Variants in ABCA2 observed in about 807,000 individuals in gnomAD.
The protein encoded by ABCA2 is ATP binding cassette subfamily A member 2, also known as ATP-binding cassette sub-family A member 2.
Under a neutral mutation model 262.8 loss-of-function variants are expected in ABCA2, and 84 were observed. The observed-to-expected ratio is 0.32, with a 90% confidence interval of 0.27 to 0.38. The LOEUF is 0.38. Ranked by LOEUF, ABCA2 falls within the 10% of genes least tolerant of loss-of-function variation. The pLI, the probability that ABCA2 is intolerant of heterozygous loss-of-function variation, is 1.00. For synonymous variants in ABCA2, 1,696 were observed against 1,502.9 expected (o/e 1.13, Z -2.97); for missense variants, 2,662 against 3,405.9 (o/e 0.78, Z 5.44).
chr9:137,007,918 G>A lies in ABCA2; in HGVS notation c.*11C>T, dbSNP rs779844043. 1 of 1,605,584 alleles carries A rather than the reference G, an allele frequency of 6.2e-7. No individual in the cohort carries two copies. Among genetic ancestry groups the A allele is most frequent in the South Asian group, 1.1e-5 (1 of 90,994 alleles). On this transcript the variant is annotated 3_prime_UTR_variant, in exon 49 of 49. Coordinates refer to ENST00000341511, the MANE Select transcript of ABCA2 (RefSeq NM_001606.5). Reference sequence around the variant, plus strand: ...AGTGGAGCGTGTCCTCCCTGGCCCAGCTCTGGGTGGTCAGCAGAGCGTGTC... The same window carrying A: ...AGTGGAGCGTGTCCTCCCTGGCCCAACTCTGGGTGGTCAGCAGAGCGTGTC...
upstream of ABCA2, chr9:137,028,403 A>C: frequency 2.1e-6 from 1 of 483,694 alleles, no homozygotes; most frequent in Non-Finnish European, 2.7e-6. This position sits in a 1 kb window ranked among gnomAD's most constrained non-coding sequence, Gnocchi z 6.9. Context: ...CCCGGGACCG[A>C]CCCGGGCCCG....
chr9:137,019,511 C>T lies in ABCA2; in HGVS notation c.1426-205G>A, dbSNP rs1260317486. 1.9e-5 allele frequency: 11 copies of T among 564,614 alleles called. No homozygotes were observed. The highest frequency in any genetic ancestry group is 3.6e-5 in the Admixed American group (1 of 27,772). 35.0% of individuals were successfully genotyped at this position (564,614 alleles called of 1,614,324 possible). A position where few individuals can be genotyped will look rare whatever the true frequency, so the allele number is the denominator to read the frequency against. ...AGTCCCAGCTCACTGCAGCCTCCAC[C>T]TCCCAGGCTCAAGGGATCCTCCCGC... On this transcript the variant is annotated intron_variant, in intron 10 of 48. Coordinates refer to ENST00000341511, the MANE Select transcript of ABCA2 (RefSeq NM_001606.5). This position sits in a 1 kb window ranked among gnomAD's most constrained non-coding sequence, Gnocchi z 4.4.
Position 137,013,873 on chromosome 9 carries a change from A to G in ABCA2, c.4406T>C (p.Val1469Ala). The change falls in exon 28 of 49, where the codon GTC becomes GCC. Residue 1469 changes from valine to alanine, a missense_variant. Physicochemically the swap from Val to Ala is moderately conservative, Grantham distance 64 (BLOSUM62 0). Around this residue, in one of 12 missense-constraint regions of ABCA2, gnomAD observed 75 missense variants for 118.3 expected, o/e 0.63. Coordinates refer to ENST00000341511, the MANE Select transcript of ABCA2 (RefSeq NM_001606.5). ...CAGGGCCACGGTCATGGCCACGCAG[A>G]CGAAGAAGGCTGGCAGCAAGATCTG... is the stretch of plus-strand genomic sequence containing the variant. Reference protein sequence around the residue: ...FSQILLPAFFVCVAMTVALSV... With the variant: ...FSQILLPAFFACVAMTVALSV... 1 of 1,612,040 alleles carries G rather than the reference A, an allele frequency of 6.2e-7. No individual in the cohort carries two copies. The highest frequency in any genetic ancestry group is 8.5e-7 in the Non-Finnish European group (1 of 1,179,608).
rs1831533010 is a variant in ABCA2, at chr9:137,023,043, G to C, written c.173C>G (p.Thr58Arg). 1 of 1,585,118 alleles carries C rather than the reference G, an allele frequency of 6.3e-7. No homozygotes were observed. Among genetic ancestry groups the C allele is most frequent in the Non-Finnish European group, 8.6e-7 (1 of 1,166,722 alleles). Residue 58 changes from threonine (T) to arginine (R), a missense_variant, in exon 4 of 49, where the codon ACA becomes AGA. Thr to Arg is a moderately conservative substitution (Grantham distance 71). This residue lies in a region of ABCA2 where 101 missense variants were observed against 152.3 expected (regional missense o/e 0.66). Transcript: ENST00000341511. ...GCCGGCAGACGTCAGGGGCGCCGCT[G>C]TGTAGAAGGCTGGCAGACCCACGGG... ...TISVKEVSFYTAAPLTSAGIL... is the reference protein window; with the variant it reads ...TISVKEVSFYRAAPLTSAGIL...
chr9:137,021,713 C>CA lies in ABCA2; in HGVS notation c.679-104_679-103insT. 1 of 1,341,074 alleles carries CA rather than the reference C, an allele frequency of 7.5e-7. No homozygotes were observed. Among genetic ancestry groups the CA allele is most frequent in the South Asian group, 1.3e-5 (1 of 74,158 alleles). 83.1% of individuals were successfully genotyped at this position (1,341,074 alleles called of 1,614,324 possible). On this transcript the variant is annotated intron_variant, in intron 7 of 48. Transcript: ENST00000341511. The surrounding 1 kb of genome is among the most constrained non-coding windows in gnomAD (Gnocchi z 6.0). ...CCCCACCCACTGGCTGGCTCTGGGG[C>CA]TGCCTGGGTCCCACGACATGCCTCT...
In ABCA2 at chr9:137,011,143, T is replaced by TG; in HGVS notation, c.5924-39dup. The TG allele has an allele frequency of 6.2e-7, 1 of 1,611,416 alleles. No homozygotes were observed. On this transcript the variant is annotated intron_variant, in intron 38 of 48. Transcript: ENST00000341511. This position sits in a 1 kb window ranked among gnomAD's most constrained non-coding sequence, Gnocchi z 8.8. Reference sequence around the variant, plus strand: ...AGCTCAGGGCCTGTGCTCTGGGCCTTGCGGGGCCCCCACCGCCTTCCCCGC... The same window carrying TG: ...AGCTCAGGGCCTGTGCTCTGGGCCTTGGCGGGGCCCCCACCGCCTTCCCCGC...
chr9:137,023,030 C>G lies in ABCA2; in HGVS notation c.186G>C (p.Leu62=), dbSNP rs1472409797. The G allele has an allele frequency of 6.3e-7, 1 of 1,590,278 alleles. No individual in the cohort carries two copies. Among genetic ancestry groups the G allele is most frequent in the Non-Finnish European group, 8.6e-7 (1 of 1,169,578 alleles). The change falls in exon 4 of 49, where the codon CTG becomes CTC. Residue 62 remains leucine, a synonymous_variant. Transcript: ENST00000341511. Reference sequence around the variant, plus strand: ...TGACAGGCAGGATGCCGGCAGACGTCAGGGGCGCCGCTGTGTAGAAGGCTG... The same window carrying G: ...TGACAGGCAGGATGCCGGCAGACGTGAGGGGCGCCGCTGTGTAGAAGGCTG... ...KEVSFYTAAP[L]TSAGILPVMQ...
In ABCA2 at chr9:137,014,218, T is replaced by C. The variant is rs1426329025; in HGVS notation, c.4190A>G (p.Tyr1397Cys). 6.2e-7 allele frequency: 1 copy of C among 1,609,408 alleles called. No individual in the cohort carries two copies. The highest frequency in any genetic ancestry group is 8.5e-7 in the Non-Finnish European group (1 of 1,178,528). ...GAGYTDVYGD[Y>C]RPLFDNPQDP... is the part of the protein sequence containing the mutation. ...CTGTGGGTTATCAAAGAGGGGGCGGTAGTCGCCATAGACGTCGGTGTAGCC... is the reference window on the plus strand; with the variant it reads ...CTGTGGGTTATCAAAGAGGGGGCGGCAGTCGCCATAGACGTCGGTGTAGCC... The change falls in exon 27 of 49, where the codon TAC (tyrosine) becomes TGC (cysteine). Residue 1397 changes from tyrosine (Y) to cysteine (C), a missense_variant. Coordinates refer to ENST00000341511, the MANE Select transcript of ABCA2 (RefSeq NM_001606.5).
At chr9:137,013,653 T>C in intron 28 of ABCA2, 90 bp from the exon 29 acceptor site, 2 of 1,408,324 alleles carry the variant, frequency 1.4e-6, no homozygotes, top group Non-Finnish European at 1.9e-6. Context: ...CCCCAAGGGA[T>C]CCACGCCTGG....
upstream of ABCA2, chr9:137,028,697 G>T: frequency 8.1e-7 from 1 of 1,227,426 alleles, no homozygotes. This position sits in a 1 kb window ranked among gnomAD's most constrained non-coding sequence, Gnocchi z 6.9. Context: ...ACCAGCACTT[G>T]GAGTCCAGGT....
intron 39 of ABCA2, 28 bp downstream of exon 39, chr9:137,010,944 GC>G: frequency 7.5e-6 from 2 of 266,334 alleles, no homozygotes; most frequent in Non-Finnish European, 6.8e-6. Context: ...CTCCCGCCCC[GC>G]CCCCGCCCCA....
chr9:137,015,213 C>G lies in ABCA2; in HGVS notation c.3698-116G>C, dbSNP rs1831213241. On this transcript the variant is annotated intron_variant, in intron 24 of 48. Coordinates refer to ENST00000341511, the MANE Select transcript of ABCA2 (RefSeq NM_001606.5). ...TTGGAGAGGAAGAACCAGGCCCCAG[C>G]AGGTATCCTGGGCCCAGGGGGTGAC... The G allele has an allele frequency of 3.1e-6, 4 of 1,293,046 alleles. No individual in the cohort carries two copies. The African/African-American group carries it at 5.9e-5, about 19-fold the overall frequency. 80.1% of individuals were successfully genotyped at this position (1,293,046 alleles called of 1,614,324 possible).
At chr9:137,023,110 G>C in intron 3 of ABCA2, 58 bp from the exon 4 acceptor site, 2 of 1,243,498 alleles carry the variant, frequency 1.6e-6, no homozygotes, top group Non-Finnish European at 2.3e-6. Flanking sequence ...AGAGAGAGAG[G>C]AATCCAGAAG....
In ABCA2 at chr9:137,010,123, C is replaced by T. The variant is rs775941806; in HGVS notation, c.6355G>A (p.Val2119Met). 47 of 1,592,544 alleles carry T rather than the reference C, an allele frequency of 3.0e-5. No individual in the cohort carries two copies. The highest frequency in any genetic ancestry group is 8.4e-5 in the Admixed American group (5 of 59,366). Residue 2119 changes from valine to methionine, a missense_variant and splice_region_variant, in exon 42 of 49, where the codon GTG (valine) becomes ATG (methionine). Physicochemically the swap from Val to Met is conservative, Grantham distance 21. This residue lies in a region of ABCA2 where 602 missense variants were observed against 897.4 expected (regional missense o/e 0.67). Coordinates refer to ENST00000341511, the MANE Select transcript of ABCA2 (RefSeq NM_001606.5). Reference sequence around the variant, plus strand: ...TGCACCTGGAGCAGCTCCTTCAGCACGCTGGGGACACGGCAGCTGTCAGCG... The same window carrying T: ...TGCACCTGGAGCAGCTCCTTCAGCATGCTGGGGACACGGCAGCTGTCAGCG... Reference protein sequence around the residue: ...GGEAFVNGHSVLKELLQVQQS... With the variant: ...GGEAFVNGHSMLKELLQVQQS...
In ABCA2 at chr9:137,014,717, C is replaced by G; in HGVS notation, c.3976G>C (p.Asp1326His). The G allele has an allele frequency of 6.2e-7, 1 of 1,605,896 alleles. No homozygotes were observed. Among genetic ancestry groups the G allele is most frequent in the Non-Finnish European group, 8.5e-7 (1 of 1,177,462 alleles). The change falls in exon 26 of 49, where the codon GAT (aspartate) becomes CAT (histidine). Residue 1326 changes from aspartate to histidine, a missense_variant. Asp to His is a moderately conservative substitution (Grantham distance 81, BLOSUM62 -1). Coordinates refer to ENST00000341511, the MANE Select transcript of ABCA2 (RefSeq NM_001606.5). ...GCCTCACTGTTCTCCAGCGACTGAT[C>G]CTCCTCCGACACCTTGAGGAACACT... is the stretch of plus-strand genomic sequence containing the variant. The part of the protein sequence containing the change: ...EEVFLKVSEE[D>H]QSLENSEADV...
rs781670867 is a variant in ABCA2 at position 137,011,983 on chromosome 9, A to G, written c.5396T>C (p.Ile1799Thr). 6.2e-7 allele frequency: 1 copy of G among 1,612,638 alleles called. No homozygotes were observed. The highest frequency in any genetic ancestry group is 1.1e-5 in the South Asian group (1 of 91,082). Residue 1799 changes from isoleucine to threonine, a missense_variant, in exon 35 of 49, where the codon ATC (isoleucine) becomes ACC (threonine). By Grantham distance (89) the Ile-to-Thr change is moderately conservative. Transcript: ENST00000341511. The surrounding 1 kb of genome is among the most constrained non-coding windows in gnomAD (Gnocchi z 8.8). Reference sequence around the variant, plus strand: ...CGGCACGAAGGACATGGCCACGATGATGAAGATGGCGATGACGACATCCGT... The same window carrying G: ...CGGCACGAAGGACATGGCCACGATGGTGAAGATGGCGATGACGACATCCGT... ...QGTDVVIAIFIIVAMSFVPAS... is the reference protein window; with the variant it reads ...QGTDVVIAIFTIVAMSFVPAS...
intron 45 of ABCA2, 57 bp from the exon 46 acceptor site, chr9:137,009,110 C>G (rs1186287350): frequency 1.3e-6 from 2 of 1,539,076 alleles, no homozygotes; most frequent in East Asian, 4.6e-5. Flanking sequence ...AGCCCCAGCC[C>G]CCCAGCCTCC....
At chr9:137,026,046 CGGG>C (rs1017475328) in intron 1 of ABCA2, among the ~76,000 whole-genome samples, 1 of 152,142 alleles carries the variant, frequency 6.6e-6, no homozygotes, top group African/African-American at 2.4e-5. Flanking sequence ...CCTACTGTGT[CGGG>C]GGGAGAACAG....
In ABCA2 at chr9:137,009,646, T is replaced by A; in HGVS notation, c.6631-2A>T. The A allele has an allele frequency of 6.2e-7, 1 of 1,612,672 alleles. No homozygotes were observed. Among genetic ancestry groups the A allele is most frequent in the Non-Finnish European group, 8.5e-7 (1 of 1,179,866 alleles). On this transcript the variant is annotated splice_acceptor_variant, in intron 43 of 48. Coordinates refer to ENST00000341511, the MANE Select transcript of ABCA2 (RefSeq NM_001606.5). LOFTEE classifies it high-confidence loss of function. The stretch of plus-strand genomic sequence containing the variant: ...GTCCATGCCTGTGGTGGGCTCGTCC[T>A]GGGGATGGGTGGCAGGCTCAGCTGC...
Sources: allele counts gnomAD v4.1 joint callset (sites outside exome capture counted in the v4.1 genomes callset), GRCh38; gene constraint gnomAD v4.1.1; regional missense constraint gnomAD v4.1.1; non-coding constraint Gnocchi (gnomAD v3.1); transcripts MANE v1.5; gene names NCBI Gene and HGNC (gene_info 2026-07-23, HGNC 2026-07-21).